The following USP25 variants were observed in gnomAD, a reference collection of about 807,000 sequenced individuals.
The protein encoded by USP25 is ubiquitin specific peptidase 25, also known as ubiquitin carboxyl-terminal hydrolase 25.
USP25 carries 85 observed loss-of-function variants against 158.5 expected under a neutral mutation model. The observed-to-expected ratio is 0.54, with a 90% confidence interval of 0.45 to 0.64. USP25 has a LOEUF of 0.64. Among genes scored for constraint, USP25 ranks in the 30% least tolerant of loss-of-function variants. The probability of loss-of-function intolerance (pLI) is 0.00; values close to 1 mark genes in which losing one functional copy is unlikely to be tolerated. For synonymous variants in USP25, 464 were observed against 460.4 expected, an observed-to-expected ratio of 1.01 and a Z score of -0.10; for missense variants, 1,242 against 1,327.3, an observed-to-expected ratio of 0.94 and a Z score of 1.00.
chr21:15,808,328 T>C (rs1366481724), intron 7 of USP25, among the ~76,000 whole-genome samples: 1 of 152,070 alleles, frequency 6.6e-6, no homozygotes, highest in African/African-American at 2.4e-5. Flanking sequence ...AAGGTAGATA[T>C]GGCTTAAAAA....
chr21:15,806,438 T>C (rs959994173), intron 7 of USP25, among the ~76,000 whole-genome samples: 17 of 151,732 alleles, frequency 1.1e-4, no homozygotes, highest in South Asian at 4.2e-4. Flanking sequence ...TCTTTTTTTT[T>C]TTTCTTTCTT....
At chr21:15,775,515 C>CT (rs2034589129) in intron 3 of USP25, among the ~76,000 whole-genome samples, 1 of 152,114 alleles carries the variant, frequency 6.6e-6, no homozygotes, top group Non-Finnish European at 1.5e-5. Flanking sequence ...CTACTGAGTT[C>CT]AAGAACATAC....
chr21:15,842,702 C>G (rs758955193), intron 18 of USP25, among the ~76,000 whole-genome samples, 162 bp downstream of exon 18: 5 of 152,112 alleles, frequency 3.3e-5, no homozygotes, highest in Non-Finnish European at 7.4e-5. Context: ...CATGCCCAGG[C>G]TGTGATTTCC....
rs140709668 is a variant in USP25, at chr21:15,849,815, G to A, written c.2490G>A (p.Ala830=). 58 of 1,544,804 alleles carry A rather than the reference G, an allele frequency of 3.8e-5. No individual in the cohort carries two copies. The East Asian group carries it at 9.3e-4, about 25-fold the overall frequency. The change falls in exon 20 of 26, where the codon GCG becomes GCA. Residue 830 remains alanine (A), a synonymous_variant. Transcript: ENST00000400183. ...CGAACATGCAAGGTATTATCATGGC[G>A]ATAGGTAAATCCAGGAGTGTATATG... The part of the protein sequence containing the change: ...MTPNMQGIIM[A]IGKSRSVYDR...
intron 22 of USP25, 90 bp from the exon 23 acceptor site, chr21:15,869,975 ATAG>A: frequency 1.2e-6 from 1 of 856,386 alleles, no homozygotes; most frequent in Non-Finnish European, 1.8e-6. Context: ...ATTAATTCAG[ATAG>A]TAGCGAAACA....
At chr21:15,804,790 G>C (rs937598281) in intron 6 of USP25, among the ~76,000 whole-genome samples, 8 of 152,086 alleles carry the variant, frequency 5.3e-5, no homozygotes, top group Non-Finnish European at 1.2e-4. Context: ...GCAGCAGCTG[G>C]GCCTTGCTGA....
At position 15,878,517 on chromosome 21, in the gene USP25, G is replaced by T. The variant is rs368022231; in HGVS notation, c.*42G>T. On this transcript the variant is annotated 3_prime_UTR_variant, in exon 26 of 26. Coordinates refer to ENST00000400183, the MANE Select transcript of USP25 (RefSeq NM_001283041.3). Reference sequence around the variant, plus strand: ...GAACACACTGTATAAACTCTTTTTAGTTCTTAACCCTTGCCTTCCTGTCAC... The same window carrying T: ...GAACACACTGTATAAACTCTTTTTATTTCTTAACCCTTGCCTTCCTGTCAC... 244 of 1,557,050 alleles carry T rather than the reference G, an allele frequency of 1.6e-4. No homozygotes were observed. The highest frequency in any genetic ancestry group is 2.0e-4 in the Non-Finnish European group (234 of 1,148,468).
chr21:15,866,226 C>G, intron 21 of USP25, 40 bp from the exon 22 acceptor site: 1 of 1,363,460 alleles, frequency 7.3e-7, no homozygotes, highest in Admixed American at 2.1e-5. Flanking sequence ...TATATACACA[C>G]ACATACACAC....
chr21:15,769,076 ACT>A (rs1568780319), intron 3 of USP25, among the ~76,000 whole-genome samples: 1 of 152,114 alleles, frequency 6.6e-6, no homozygotes, highest in Admixed American at 6.6e-5. Flanking sequence ...TAGTTTTTAA[ACT>A]AATATCACAT....
intron 16 of USP25, among the ~76,000 whole-genome samples, chr21:15,832,549 A>T (rs912984015): frequency 1.3e-5 from 2 of 152,196 alleles, no homozygotes; most frequent in Non-Finnish European, 2.9e-5. Context: ...TGCATATTTA[A>T]GTCTACTTAA....
In USP25 at chr21:15,789,205, C is replaced by T. The variant is rs2035457777; in HGVS notation, c.393-2297C>T. 3.3e-5 allele frequency among the ~76,000 whole-genome samples: 5 copies of T among 151,994 alleles called. No individual in the cohort carries two copies. The South Asian group carries it at 1.0e-3, about 32-fold the overall frequency. On this transcript the variant is annotated intron_variant, in intron 4 of 25. Coordinates refer to ENST00000400183, the MANE Select transcript of USP25 (RefSeq NM_001283041.3). ...ATTAAATATTTTGTATGTAAACATGCCAATCAAGTGGTGTATATTTTTTGG... is the reference window on the plus strand; with the variant it reads ...ATTAAATATTTTGTATGTAAACATGTCAATCAAGTGGTGTATATTTTTTGG...
At chr21:15,784,320 G>A (rs2035152118) in intron 4 of USP25, among the ~76,000 whole-genome samples, 1 of 152,098 alleles carries the variant, frequency 6.6e-6, no homozygotes, top group Non-Finnish European at 1.5e-5. Flanking sequence ...CGCCTGTAAT[G>A]CCAGCACTTT....
Position 15,879,421 on chromosome 21 carries a change from A to G in USP25, c.*946A>G, listed in dbSNP as rs1407897406. ...ATCATTCTATTTTTGTAAATTGTAT[A>G]TCACTTTAATTGAAAATGTTCTCTA... is the stretch of plus-strand genomic sequence containing the variant. On this transcript the variant is annotated 3_prime_UTR_variant, in exon 26 of 26. Transcript: ENST00000400183. The G allele has an allele frequency of 1.3e-5, 2 of 152,532 alleles. No individual in the cohort carries two copies. Among genetic ancestry groups the G allele is most frequent in the African/African-American group, 4.8e-5 (2 of 41,464 alleles). The allele number at this position is 152,532 out of a possible 1,614,324, so 9.4% of individuals were successfully genotyped here. A position where few individuals can be genotyped will look rare whatever the true frequency, so the allele number is the denominator to read the frequency against.
chr21:15,739,796 T>C (rs1007904718), intron 1 of USP25, among the ~76,000 whole-genome samples: 38 of 152,226 alleles, frequency 2.5e-4, no homozygotes, highest in Admixed American at 2.5e-3. Context: ...TTTAGGAATG[T>C]CACTATATAA....
rs565606858 is a variant in USP25 at position 15,815,182 on chromosome 21, G to A, written c.932-3516G>A. On this transcript the variant is annotated intron_variant, in intron 9 of 25. Coordinates refer to ENST00000400183, the MANE Select transcript of USP25 (RefSeq NM_001283041.3). ...GTGTTGAGCCTGCGGGTGCACAGAA[G>A]TCAAGAAGTGAGGTTTGGGCACCTC... is the stretch of plus-strand genomic sequence containing the variant. 2.6e-4 allele frequency among the ~76,000 whole-genome samples: 40 copies of A among 152,302 alleles called. No individual in the cohort carries two copies. In the East Asian group the frequency reaches 6.4e-3, roughly 24 times the overall value.
intron 2 of USP25, among the ~76,000 whole-genome samples, chr21:15,763,228 G>GGA (rs2033841894): frequency 6.6e-6 from 1 of 152,094 alleles, no homozygotes. Context: ...CAAGATAGTG[G>GGA]GATGTGAATC....
At chr21:15,804,388 ATAAATT>A (rs2036274068) in intron 6 of USP25, among the ~76,000 whole-genome samples, 1 of 151,460 alleles carries the variant, frequency 6.6e-6, no homozygotes, top group Non-Finnish European at 1.5e-5. Flanking sequence ...ATAAAATTAA[ATAAATT>A]TAAATATTGT....
intron 1 of USP25, among the ~76,000 whole-genome samples, chr21:15,746,655 C>G (rs1425671544): frequency 6.6e-6 from 1 of 152,156 alleles, no homozygotes; most frequent in Non-Finnish European, 1.5e-5. Flanking sequence ...CTCGGCCTCC[C>G]AAAGTGCTGG....
chr21:15,747,218 G>A (rs760362201), intron 1 of USP25, among the ~76,000 whole-genome samples: 32 of 151,986 alleles, frequency 2.1e-4, no homozygotes, highest in East Asian at 1.9e-4. Context: ...AATAGTCCAC[G>A]TTTACTCTCA....
Sources: allele counts gnomAD v4.1 joint callset (sites outside exome capture counted in the v4.1 genomes callset), GRCh38; gene constraint gnomAD v4.1.1; transcripts MANE v1.5; gene names NCBI Gene and HGNC (gene_info 2026-07-23, HGNC 2026-07-21).